The following ETFB variants were observed in gnomAD, a reference collection of about 807,000 sequenced individuals.
The protein encoded by ETFB is beta-ETF.
Under a neutral mutation model 25.6 loss-of-function variants are expected in ETFB, and 20 were observed. The observed-to-expected ratio is 0.78, with a 90% CI of 0.55 to 1.14. ETFB has a LOEUF of 1.14. Among genes scored for constraint, ETFB ranks in the 50% most tolerant of loss-of-function variants. The pLI is 0.00. For missense variants in ETFB, 286 were observed against 342.6 expected (o/e 0.83, Z 1.30); for synonymous variants, 142 against 146.7 (o/e 0.97, Z 0.23).
chr19:51,364,141 A>G (rs964760527), intron 1 of ETFB, among the ~76,000 whole-genome samples: 1 of 151,964 alleles, frequency 6.6e-6, no homozygotes, highest in African/African-American at 2.4e-5. Flanking sequence ...GGAGTGAGGG[A>G]GGACCCGGGT....
chr19:51,364,128 C>T (rs1198353510), intron 1 of ETFB, among the ~76,000 whole-genome samples: 1 of 151,734 alleles, frequency 6.6e-6, no homozygotes, highest in Non-Finnish European at 1.5e-5. Flanking sequence ...GAGGGAGAGA[C>T]TGGGAGTGAG....
chr19:51,354,370 A>G, intron 1 of ETFB, 62 bp from the exon 2 acceptor site: 1 of 1,614,164 alleles, frequency 6.2e-7, no homozygotes, highest in Non-Finnish European at 8.5e-7. Context: ...TGGGGGCCTC[A>G]GCGCCAACCC....
chr19:51,355,961 A>C, intron 1 of ETFB: 1 of 96,228 alleles, frequency 1.0e-5, no homozygotes, highest in East Asian at 3.7e-4. Context: ...GGGAGGGGGG[A>C]GGGATAGCAT....
chr19:51,358,126 T>C (rs565975918), intron 1 of ETFB, among the ~76,000 whole-genome samples: 55 of 152,314 alleles, frequency 3.6e-4, no homozygotes, highest in African/African-American at 1.2e-3. Flanking sequence ...CCATTTGGCC[T>C]GGAGCCTGCC....
chr19:51,358,092 C>G (rs10413356), intron 1 of ETFB, among the ~76,000 whole-genome samples: 19,602 of 152,230 alleles, frequency 0.13, 3,904 homozygotes, highest in African/African-American at 0.43. Context: ...GGGACATCCA[C>G]AGAAGCCTTG....
chr19:51,363,956 C>G (rs574902034), intron 1 of ETFB, among the ~76,000 whole-genome samples: 185 of 152,200 alleles, frequency 1.2e-3, no homozygotes, highest in South Asian at 2.1e-3. Context: ...TGAAGCAGAC[C>G]ATGAAGAGGA....
At chr19:51,359,847 T>C (rs10416097) in intron 1 of ETFB, among the ~76,000 whole-genome samples, 44,754 of 150,700 alleles carry the variant, frequency 0.3, 6,912 homozygotes, top group South Asian at 0.45. Context: ...TAGAGAGACT[T>C]CATCTCTACC....
At chr19:51,362,908 G>T (rs186729590) in intron 1 of ETFB, among the ~76,000 whole-genome samples, 92 of 152,260 alleles carry the variant, frequency 6.0e-4, no homozygotes, top group Non-Finnish European at 1.9e-4. Context: ...CAACACTGTG[G>T]ATTACAAAGT....
At chr19:51,347,082 A>G (rs753045611) in intron 4 of ETFB, 24 bp from the exon 5 acceptor site, 3 of 1,613,320 alleles carry the variant, frequency 1.9e-6, no homozygotes, top group Non-Finnish European at 2.5e-6. Context: ...GTGTAGGAGG[A>G]GAGTGGGTGA....
At chr19:51,352,699 A>G (rs1304895196) in intron 3 of ETFB, among the ~76,000 whole-genome samples, 1 of 151,968 alleles carries the variant, frequency 6.6e-6, no homozygotes, top group Admixed American at 6.5e-5. Context: ...GCGATCTTGT[A>G]TCACTGCAAC....
chr19:51,359,963 G>A (rs1383808941), intron 1 of ETFB, among the ~76,000 whole-genome samples: 2 of 151,892 alleles, frequency 1.3e-5, no homozygotes, highest in African/African-American at 2.4e-5. Flanking sequence ...AGGCTGCAGC[G>A]AGCTGTGACT....
intron 4 of ETFB, among the ~76,000 whole-genome samples, chr19:51,349,245 TA>T (rs1170870908): frequency 6.6e-6 from 1 of 152,208 alleles, no homozygotes; most frequent in Non-Finnish European, 1.5e-5. Flanking sequence ...CTCTCAGTTA[TA>T]ATATTTTCAA....
chr19:51,345,540 A>C, intron 5 of ETFB, 159 bp from the exon 6 acceptor site: 1 of 718,846 alleles, frequency 1.4e-6, no homozygotes, highest in South Asian at 1.6e-5. Flanking sequence ...ACAGGGCCAC[A>C]CCTGGTGTGG....
chr19:51,352,803 T>G (rs1985961479), intron 3 of ETFB, among the ~76,000 whole-genome samples: 1 of 152,050 alleles, frequency 6.6e-6, no homozygotes, highest in Non-Finnish European at 1.5e-5. Context: ...AATTTTTATA[T>G]TTTTAGAAGA....
intron 1 of ETFB, chr19:51,354,572 C>T: frequency 6.2e-7 from 1 of 1,614,210 alleles, no homozygotes; most frequent in East Asian, 2.2e-5. Context: ...GTCACTGCTC[C>T]TCTCAGGCCT....
At position 51,354,197 on chromosome 19, in the gene ETFB, G is replaced by A. The variant is rs760573811; in HGVS notation, c.169C>T (p.Leu57=). The change falls in exon 2 of 6, where the codon CTG becomes TTG. Residue 57 remains leucine, a synonymous_variant. Transcript: ENST00000309244. The part of the protein sequence containing the change: ...EEAVRLKEKK[L]VKEVIAVSCG... ...CTGACGGCGATGACCTCCTTCACCA[G>A]CTTCTTCTCCTTGAGCCGCACAGCC... is the stretch of plus-strand genomic sequence containing the variant. The A allele has an allele frequency of 1.9e-6, 3 of 1,614,120 alleles. No homozygotes were observed. Among genetic ancestry groups the A allele is most frequent in the South Asian group, 1.1e-5 (1 of 91,084 alleles).
chr19:51,346,709 C>T lies in ETFB; in HGVS notation c.597+191G>A, dbSNP rs67340400. 58,462 of 608,332 alleles carry T rather than the reference C, an allele frequency of 0.096. 3,121 individuals carry two copies. The highest frequency in any genetic ancestry group is 0.16 in the Middle Eastern group (358 of 2,254). The allele number at this position is 608,332 out of a possible 1,614,324, so 37.7% of individuals were successfully genotyped here. A position where few individuals can be genotyped will look rare whatever the true frequency, so the allele number is the denominator to read the frequency against. The stretch of plus-strand genomic sequence containing the variant: ...GCCCTCCCTGCTAGCCAAAGCAGCC[C>T]CCATGAACTCTCAGTATTGGCAGAG... On this transcript the variant is annotated intron_variant, in intron 5 of 5. Coordinates refer to ENST00000309244, the MANE Select transcript of ETFB (RefSeq NM_001985.3).
chr19:51,364,694 G>T (rs1400324400), intron 1 of ETFB, among the ~76,000 whole-genome samples: 1 of 152,210 alleles, frequency 6.6e-6, no homozygotes, highest in Non-Finnish European at 1.5e-5. Flanking sequence ...AGGACCCCAA[G>T]AGGAATGTGT....
chr19:51,345,281 C>T lies in ETFB; in HGVS notation c.698G>A (p.Arg233His), dbSNP rs529795334. The T allele has an allele frequency of 1.1e-5, 17 of 1,614,176 alleles. No individual in the cohort carries two copies. The highest frequency in any genetic ancestry group is 1.4e-5 in the Non-Finnish European group (16 of 1,180,034). The change falls in exon 6 of 6, where the codon CGC becomes CAC. Residue 233 changes from arginine (R) to histidine (H), a missense_variant. By Grantham distance (29) the Arg-to-His change is conservative. Coordinates refer to ENST00000309244, the MANE Select transcript of ETFB (RefSeq NM_001985.3). ...SVISVEDPPQ[R>H]TAGVKVETTE... Reference sequence around the variant, plus strand: ...GGTCTCCACCTTGACGCCGGCCGTGCGCTGGGGCGGGTCCTCCACACTGAT... The same window carrying T: ...GGTCTCCACCTTGACGCCGGCCGTGTGCTGGGGCGGGTCCTCCACACTGAT...
Sources: allele counts gnomAD v4.1 joint callset (sites outside exome capture counted in the v4.1 genomes callset), GRCh38; gene constraint gnomAD v4.1.1; transcripts MANE v1.5; gene names NCBI Gene and HGNC (gene_info 2026-07-23, HGNC 2026-07-21).